TMEM175: variants seen among roughly 807,000 people sequenced by gnomAD.
TMEM175 encodes transmembrane protein 175.
TMEM175 carries 36 observed loss-of-function variants against 36.5 expected under a neutral mutation model. The observed-to-expected ratio is 0.99, with a 90% CI of 0.76 to 1.30. The LOEUF (loss-of-function observed/expected upper bound fraction) is 1.30. Among genes scored for constraint, TMEM175 ranks in the 50% most tolerant of loss-of-function variants. The pLI, the probability that TMEM175 is intolerant of heterozygous loss-of-function variation, is 0.00. For synonymous variants in TMEM175, 339 were observed against 313.4 expected, an observed-to-expected ratio of 1.08 and a Z score of -0.86; for missense variants, 705 against 692.8, an observed-to-expected ratio of 1.02 and a Z score of -0.20.
chr4:935,468 G>A (rs894913158), intron 1 of TMEM175, among the ~76,000 whole-genome samples: 5 of 151,560 alleles, frequency 3.3e-5, no homozygotes, highest in African/African-American at 4.8e-5. Flanking sequence ...TGAATTCATC[G>A]AAAAGACTTG....
At chr4:950,305 C>A in intron 3 of TMEM175, 116 bp from the exon 4 acceptor site, 2 of 814,174 alleles carry the variant, frequency 2.5e-6, no homozygotes, top group Non-Finnish European at 4.2e-6. Context: ...AGGACCCACC[C>A]GAGGGTTTCG....
At chr4:951,152 A>C in intron 4 of TMEM175, 55 bp from the exon 5 acceptor site, 1 of 1,513,126 alleles carries the variant, frequency 6.6e-7, no homozygotes. Context: ...GTGTGTGTGC[A>C]TTTAATGTTA....
At chr4:951,784 A>G in intron 6 of TMEM175, 67 bp downstream of exon 6, 1 of 1,548,286 alleles carries the variant, frequency 6.5e-7, no homozygotes, top group Non-Finnish European at 8.9e-7. Context: ...ACCTGTCCTC[A>G]AAAGCAGACC....
intron 7 of TMEM175, 90 bp from the exon 8 acceptor site, chr4:953,100 C>A: frequency 3.6e-6 from 5 of 1,370,804 alleles, no homozygotes; most frequent in Admixed American, 4.8e-5. Flanking sequence ...GAGACCCTTG[C>A]GTGCGTGTGC....
At chr4:936,815 C>T (rs546962727) in intron 1 of TMEM175, among the ~76,000 whole-genome samples, 2 of 152,052 alleles carry the variant, frequency 1.3e-5, no homozygotes, top group East Asian at 1.9e-4. Context: ...AAATTAGCTG[C>T]GCATGGTGGC....
Position 938,777 on chromosome 4 carries a change from G to A in TMEM175, c.-32+6237G>A, listed in dbSNP as rs1440353359. Reference sequence around the variant, plus strand: ...AAGCCCATAATAAATGGAGAGATATGCCATATTCATAAACTAGGAGATTCA... The same window carrying A: ...AAGCCCATAATAAATGGAGAGATATACCATATTCATAAACTAGGAGATTCA... On this transcript the variant is annotated intron_variant, in intron 1 of 10. Transcript: ENST00000264771. 3.3e-5 allele frequency among the ~76,000 whole-genome samples: 5 copies of A among 152,192 alleles called. No individual in the cohort carries two copies. In the East Asian group the frequency reaches 7.7e-4, roughly 23 times the overall value.
At chr4:956,254 T>G (rs1275533132) in intron 10 of TMEM175, 1 of 954,122 alleles carries the variant, frequency 1.0e-6, no homozygotes, top group Admixed American at 3.2e-5. Flanking sequence ...CACCAGCCCC[T>G]CCTAGTCCCT....
intron 1 of TMEM175, among the ~76,000 whole-genome samples, chr4:934,921 ATGAAGG>A (rs1240954446): frequency 6.6e-6 from 1 of 152,238 alleles, no homozygotes; most frequent in Non-Finnish European, 1.5e-5. Context: ...ATTTATTGGA[ATGAAGG>A]TGAAGGAATT....
chr4:937,692 C>T (rs985873355), intron 1 of TMEM175, among the ~76,000 whole-genome samples: 37 of 152,322 alleles, frequency 2.4e-4, no homozygotes, highest in Non-Finnish European at 3.7e-4. Flanking sequence ...CCTCATCATT[C>T]CTTACAGCAT....
chr4:954,304 G>C (rs1029176959), intron 8 of TMEM175, among the ~76,000 whole-genome samples: 2 of 152,216 alleles, frequency 1.3e-5, no homozygotes, highest in African/African-American at 4.8e-5. Flanking sequence ...TTTTGGATAA[G>C]GAATCTATAC....
intron 8 of TMEM175, among the ~76,000 whole-genome samples, chr4:953,563 C>T (rs1489205363): frequency 1.3e-5 from 2 of 152,210 alleles, no homozygotes; most frequent in Non-Finnish European, 2.9e-5. Flanking sequence ...CCCAGCCTGT[C>T]GAGGACAGAG....
At chr4:950,137 G>A (rs1728675229) in intron 3 of TMEM175, among the ~76,000 whole-genome samples, 1 of 151,864 alleles carries the variant, frequency 6.6e-6, no homozygotes, top group African/African-American at 2.4e-5. Flanking sequence ...TACACCTGTG[G>A]GTGTGGGCAT....
intron 3 of TMEM175, among the ~76,000 whole-genome samples, chr4:949,674 T>C (rs1728614301): frequency 6.8e-6 from 1 of 146,386 alleles, no homozygotes; most frequent in Admixed American, 6.7e-5. Context: ...AGTGTTCTGT[T>C]GGGAGCGTTC....
intron 1 of TMEM175, among the ~76,000 whole-genome samples, chr4:940,491 G>A (rs1338034773): frequency 1.3e-5 from 2 of 151,540 alleles, no homozygotes; most frequent in East Asian, 1.9e-4. Context: ...AGGGGTTCAG[G>A]AAGAAAGAGG....
intron 7 of TMEM175, among the ~76,000 whole-genome samples, 178 bp downstream of exon 7, chr4:952,628 CTGTGTGTGTGTG>C (rs35529704): frequency 4.4e-5 from 5 of 114,918 alleles, no homozygotes; most frequent in South Asian, 3.1e-4. Flanking sequence ...GGGTCCTGTG[CTGTGTGTGTGTG>C]TGTGTGTGTG....
chr4:953,664 C>T (rs1302258042), intron 8 of TMEM175, among the ~76,000 whole-genome samples: 2 of 152,194 alleles, frequency 1.3e-5, no homozygotes, highest in African/African-American at 4.8e-5. Flanking sequence ...ACCCGGAATC[C>T]GGGGGTGCAT....
At chr4:948,445 G>C in intron 3 of TMEM175, 1 of 1,492,074 alleles carries the variant, frequency 6.7e-7, no homozygotes, top group East Asian at 2.7e-5. Context: ...TGAGCCAGAG[G>C]ACAGGTTGGA....
chr4:950,459 G>A lies in TMEM175; in HGVS notation c.231G>A (p.Arg77=), dbSNP rs759775766. 1 of 1,614,130 alleles carries A rather than the reference G, an allele frequency of 6.2e-7. No homozygotes were observed. Among genetic ancestry groups the A allele is most frequent in the East Asian group, 2.2e-5 (1 of 44,876 alleles). The change falls in exon 4 of 11, where the codon CGG becomes CGA. Residue 77 remains arginine, a synonymous_variant. Transcript: ENST00000264771. ...DRSVQRLLAT[R]IAVYLMTFLI... is the part of the protein sequence containing the mutation. ...GTGTACAGAGGCTTCTGGCAACACG[G>A]ATTGCCGTCTACCTGATGACCTTTC...
Position 958,323 on chromosome 4 carries a change from T to G in TMEM175, c.1342T>G (p.Phe448Val). The G allele has an allele frequency of 6.2e-7, 1 of 1,605,428 alleles. No homozygotes were observed. Among genetic ancestry groups the G allele is most frequent in the East Asian group, 2.2e-5 (1 of 44,870 alleles). The change falls in exon 11 of 11, where the codon TTC becomes GTC. Residue 448 changes from phenylalanine to valine, a missense_variant. Transcript: ENST00000264771. ...GCTGAGCAGGTTCAGTGTGGGCATC[T>G]TCCACCTCATGCAGATCGCCGTGCC... is the stretch of plus-strand genomic sequence containing the variant. The part of the protein sequence containing the change: ...CLLSRFSVGI[F>V]HLMQIAVPCA...
Sources: gnomAD v4.1 joint callset for allele counts (sites outside exome capture counted in the v4.1 genomes callset) on GRCh38, gnomAD v4.1.1 for gene constraint, MANE v1.5 for transcripts, NCBI Gene and HGNC (gene_info 2026-07-23, HGNC 2026-07-21) for gene names.